CCDC146: variants seen among roughly 807,000 people sequenced by gnomAD.
CCDC146 encodes coiled-coil domain-containing protein 146.
Under a neutral mutation model 119.3 loss-of-function variants are expected in CCDC146, and 92 were observed. The ratio of observed to expected loss-of-function variants is 0.77; its 90% confidence interval spans 0.65 to 0.92. The LOEUF (loss-of-function observed/expected upper bound fraction) is 0.92. Ranked by LOEUF, CCDC146 falls within the 40% of genes least tolerant of loss-of-function variation. The pLI, the probability that CCDC146 is intolerant of heterozygous loss-of-function variation, is 0.00. For missense variants in CCDC146, 1,000 were observed against 1,103.0 expected (o/e 0.91, Z 1.32); for synonymous variants, 372 against 371.8 (o/e 1.00, Z -0.01).
In CCDC146 at chr7:77,287,455, G is replaced by T. The variant is rs1353721067; in HGVS notation, c.2293G>T (p.Ala765Ser). 2 of 1,613,974 alleles carry T rather than the reference G, an allele frequency of 1.2e-6. No homozygotes were observed. The highest frequency in any genetic ancestry group is 1.7e-6 in the Non-Finnish European group (2 of 1,179,960). ...QKLDKLELQL[A>S]KKEEKLLEKD... Reference sequence around the variant, plus strand: ...TCAAACATAGCTGGAACTACAACTGGCCAAGAAGGAGGAGAAGCTGCTGGA... The same window carrying T: ...TCAAACATAGCTGGAACTACAACTGTCCAAGAAGGAGGAGAAGCTGCTGGA... The change falls in exon 17 of 19, where the codon GCC becomes TCC. Residue 765 changes from alanine (A) to serine (S), a missense_variant. By Grantham distance (99) the Ala-to-Ser change is moderately conservative. Transcript: ENST00000285871.
intron 2 of CCDC146, among the ~76,000 whole-genome samples, chr7:77,214,094 G>C (rs1792254357): frequency 6.6e-6 from 1 of 152,088 alleles, no homozygotes; most frequent in African/African-American, 2.4e-5. Flanking sequence ...AGCGTATAAG[G>C]ATTCCTTTTT....
chr7:77,236,757 G>A lies in CCDC146; in HGVS notation c.157-190G>A, dbSNP rs187983637. ...AAAGACTTGCCTGAGGACACAGAAT[G>A]TACTGGGGGCAGAATAGAACTAGCA... On this transcript the variant is annotated intron_variant, in intron 2 of 18. Coordinates refer to ENST00000285871, the MANE Select transcript of CCDC146 (RefSeq NM_020879.3). Among the ~76,000 whole-genome samples the A allele has an allele frequency of 3.5e-3, 537 of 152,304 alleles. 5 individuals carry two copies. Among genetic ancestry groups the A allele is most frequent in the Middle Eastern group, 0.024 (7 of 294 alleles).
intron 2 of CCDC146, among the ~76,000 whole-genome samples, chr7:77,174,802 T>C (rs187612696): frequency 1.3e-4 from 20 of 152,338 alleles, no homozygotes; most frequent in African/African-American, 4.6e-4. Context: ...ATTTCCTGTT[T>C]TGAAGATAAT....
chr7:77,176,032 G>A (rs1423541171), intron 2 of CCDC146, among the ~76,000 whole-genome samples: 1 of 151,176 alleles, frequency 6.6e-6, no homozygotes, highest in Non-Finnish European at 1.5e-5. Flanking sequence ...TTTTAAGGCA[G>A]TAAGACATGA....
intron 2 of CCDC146, among the ~76,000 whole-genome samples, chr7:77,228,310 C>T (rs1056370142): frequency 6.6e-6 from 1 of 152,168 alleles, no homozygotes; most frequent in Non-Finnish European, 1.5e-5. Context: ...CCCTTCTCCT[C>T]CCTTCCACCC....
intron 2 of CCDC146, among the ~76,000 whole-genome samples, chr7:77,205,249 T>G (rs1184558855): frequency 6.6e-6 from 1 of 152,222 alleles, no homozygotes; most frequent in African/African-American, 2.4e-5. Context: ...CCATTGCTCC[T>G]AAGATTAGGT....
Position 77,262,127 on chromosome 7 carries a change from C to T in CCDC146, c.993C>T (p.Ile331=), listed in dbSNP as rs1428668674. 8 of 1,599,408 alleles carry T rather than the reference C, an allele frequency of 5.0e-6. No individual in the cohort carries two copies. The Admixed American group carries it at 1.4e-4, about 28-fold the overall frequency. ...CTTCCTTTACCTGGAACAGAGGGAT[C>T]TTGGATCTCAATTTACGCAACAGTC... ...NEATSLTERG[I]LDLNLRNSLI... Residue 331 remains isoleucine, a synonymous_variant, in exon 9 of 19, where the codon ATC becomes ATT. Coordinates refer to ENST00000285871, the MANE Select transcript of CCDC146 (RefSeq NM_020879.3).
At chr7:77,173,828 G>A (rs989949867) in intron 2 of CCDC146, among the ~76,000 whole-genome samples, 11 of 151,900 alleles carry the variant, frequency 7.2e-5, no homozygotes, top group Non-Finnish European at 1.2e-4. Context: ...TTTTATTTAA[G>A]GTATAACATA....
intron 2 of CCDC146, among the ~76,000 whole-genome samples, chr7:77,192,319 A>G (rs115551076): frequency 6.6e-6 from 1 of 152,202 alleles, no homozygotes. Flanking sequence ...CTATTTTATA[A>G]TTGAAGGAAC....
chr7:77,264,077 C>T (rs968671707), intron 9 of CCDC146, among the ~76,000 whole-genome samples: 15 of 151,750 alleles, frequency 9.9e-5, no homozygotes, highest in African/African-American at 3.6e-4. Context: ...GATATATATA[C>T]TTCTTATTTA....
At chr7:77,186,826 G>A (rs1791675319) in intron 2 of CCDC146, among the ~76,000 whole-genome samples, 1 of 152,122 alleles carries the variant, frequency 6.6e-6, no homozygotes. Flanking sequence ...AAGATAAAGT[G>A]ACGTATAGGA....
intron 1 of CCDC146, among the ~76,000 whole-genome samples, chr7:77,149,117 C>T (rs572636057): frequency 2.6e-5 from 4 of 152,210 alleles, no homozygotes; most frequent in African/African-American, 9.6e-5. Context: ...ATGGTACTGG[C>T]ACCAAAACAG....
At chr7:77,258,718 C>G (rs1397749770) in intron 6 of CCDC146, among the ~76,000 whole-genome samples, 2 of 152,144 alleles carry the variant, frequency 1.3e-5, no homozygotes, top group Non-Finnish European at 2.9e-5. Flanking sequence ...GGACGTCACT[C>G]CATTGTATGT....
intron 4 of CCDC146, among the ~76,000 whole-genome samples, chr7:77,243,883 T>C (rs548502216): frequency 2.6e-5 from 4 of 152,238 alleles, no homozygotes; most frequent in Admixed American, 2.6e-4. Context: ...ATTTTTATTG[T>C]TGTTGTTTGT....
At chr7:77,291,475 C>T (rs546783782) in intron 17 of CCDC146, among the ~76,000 whole-genome samples, 88 of 151,376 alleles carry the variant, frequency 5.8e-4, no homozygotes, top group African/African-American at 2.0e-3. Flanking sequence ...GAGGCCATGG[C>T]GGGTAGATTG....
intron 2 of CCDC146, chr7:77,199,519 A>G: frequency 6.2e-7 from 1 of 1,614,078 alleles, no homozygotes; most frequent in Non-Finnish European, 8.5e-7. Context: ...AGATTTCTTT[A>G]GACTATTTAC....
intron 2 of CCDC146, among the ~76,000 whole-genome samples, chr7:77,186,914 C>T (rs1791676855): frequency 6.6e-6 from 1 of 152,164 alleles, no homozygotes; most frequent in Admixed American, 6.5e-5. Flanking sequence ...TTTGAACACT[C>T]AGCAGTCTGA....
chr7:77,200,221 A>G (rs1484464718), intron 2 of CCDC146, among the ~76,000 whole-genome samples: 1 of 152,226 alleles, frequency 6.6e-6, no homozygotes, highest in Non-Finnish European at 1.5e-5. Context: ...TACTAAAATG[A>G]AAATGGTCCT....
At chr7:77,192,524 C>T (rs769775440) in intron 2 of CCDC146, among the ~76,000 whole-genome samples, 6 of 152,228 alleles carry the variant, frequency 3.9e-5, no homozygotes, top group Non-Finnish European at 7.4e-5. Context: ...CATTAGAAAG[C>T]GTAGTTTGTT....
Sources: allele counts gnomAD v4.1 joint callset (sites outside exome capture counted in the v4.1 genomes callset), GRCh38; gene constraint gnomAD v4.1.1; transcripts MANE v1.5; gene names NCBI Gene and HGNC (gene_info 2026-07-23, HGNC 2026-07-21).